TRAPPC10: variants seen among roughly 807,000 people sequenced by gnomAD.
The protein encoded by TRAPPC10 is trafficking protein particle complex subunit 10, also known as TRAPP 130 kDa subunit.
In TRAPPC10, 23 loss-of-function variants were observed where a neutral mutation model predicts 125.5. The ratio of observed to expected loss-of-function variants is 0.18; its 90% confidence interval spans 0.13 to 0.26. The LOEUF (loss-of-function observed/expected upper bound fraction) is 0.26. Among genes scored for constraint, TRAPPC10 ranks in the 10% least tolerant of loss-of-function variants. The probability of loss-of-function intolerance (pLI) is 1.00; values close to 1 mark genes in which losing one functional copy is unlikely to be tolerated. For missense variants in TRAPPC10, 1,123 were observed against 1,308.4 expected (o/e 0.86, Z 2.19); for synonymous variants, 509 against 518.0 (o/e 0.98, Z 0.24).
intron 13 of TRAPPC10, among the ~76,000 whole-genome samples, chr21:44,081,005 C>CTTTTTTTTTTT (rs71326026): frequency 1.1e-4 from 11 of 103,868 alleles, no homozygotes; most frequent in Admixed American, 2.0e-4. Flanking sequence ...TATTATTGTT[C>CTTTTTTTTTTT]TTTTTTTTTT....
Position 44,055,911 on chromosome 21 carries a change from G to T in TRAPPC10, c.678+18G>T. On this transcript the variant is annotated intron_variant, in intron 5 of 22. Coordinates refer to ENST00000291574, the MANE Select transcript of TRAPPC10 (RefSeq NM_003274.5). ...TGGTTCAGGTACTTGACTCATTACAGAACTAGACAGTTCCTTCTCTCCTTC... is the reference window on the plus strand; with the variant it reads ...TGGTTCAGGTACTTGACTCATTACATAACTAGACAGTTCCTTCTCTCCTTC... The T allele has an allele frequency of 6.5e-7, 1 of 1,544,062 alleles. No homozygotes were observed. The highest frequency in any genetic ancestry group is 8.8e-7 in the Non-Finnish European group (1 of 1,130,018).
In TRAPPC10 at chr21:44,086,542, C is replaced by A; in HGVS notation, c.2381-260C>A. ...AGTCATGATCATAATCCCTGACTTG[C>A]TGAACCAAGATGGGTATAAGACTCC... On this transcript the variant is annotated intron_variant, in intron 15 of 22. Transcript: ENST00000291574. Among the ~76,000 whole-genome samples the A allele has an allele frequency of 1.3e-5, 2 of 152,200 alleles. 1 individual carries two copies.
intron 3 of TRAPPC10, among the ~76,000 whole-genome samples, chr21:44,044,660 CTTTTTTTTTTTT>C (rs34356064): frequency 2.3e-5 from 2 of 86,334 alleles, no homozygotes; most frequent in Admixed American, 2.6e-4. Flanking sequence ...AAAATCATGT[CTTTTTTTTTTTT>C]TTTTTTTTTT....
chr21:44,055,929 T>TCTCCTTCCCTCC (rs777193833), intron 5 of TRAPPC10, 36 bp downstream of exon 5: 1 of 1,486,182 alleles, frequency 6.7e-7, no homozygotes, highest in South Asian at 1.4e-5. Context: ...CAGTTCCTTC[T>TCTCCTTCCCTCC]CTCCTTCCCT....
At chr21:44,084,469 GT>G (rs569664947) in intron 15 of TRAPPC10, among the ~76,000 whole-genome samples, 132 of 152,276 alleles carry the variant, frequency 8.7e-4, no homozygotes, top group Non-Finnish European at 1.5e-3. Flanking sequence ...GCTTTTTCAT[GT>G]TTAATAAACA....
At chr21:44,042,846 T>G (rs560277523) in intron 3 of TRAPPC10, among the ~76,000 whole-genome samples, 1 of 152,300 alleles carries the variant, frequency 6.6e-6, no homozygotes, top group South Asian at 2.1e-4. Flanking sequence ...TGGAGTGAAA[T>G]ATGTCATTTA....
At position 44,063,685 on chromosome 21, in the gene TRAPPC10, G is replaced by A. The variant is rs781347750; in HGVS notation, c.938G>A (p.Arg313His). 2 of 1,614,166 alleles carry A rather than the reference G, an allele frequency of 1.2e-6. No individual in the cohort carries two copies. Among genetic ancestry groups the A allele is most frequent in the Non-Finnish European group, 1.7e-6 (2 of 1,180,040 alleles). ...GATCTGCGCAGTTACCTGTTCTCTC[G>A]CCAGTGCACCTTGCTGCTCTTCCTG... is the stretch of plus-strand genomic sequence containing the variant. ...LLDLRSYLFS[R>H]QCTLLLFLQR... is the part of the protein sequence containing the mutation. The change falls in exon 7 of 23, where the codon CGC becomes CAC. Residue 313 changes from arginine (R) to histidine (H), a missense_variant. Arg to His is a conservative substitution (Grantham distance 29, BLOSUM62 0). This residue lies in a region of TRAPPC10 where 91 missense variants were observed against 127.1 expected (regional missense o/e 0.72). Transcript: ENST00000291574. The surrounding 1 kb of genome is among the most constrained non-coding windows in gnomAD (Gnocchi z 4.4).
chr21:44,055,579 A>G (rs1419748994), intron 4 of TRAPPC10, 119 bp from the exon 5 acceptor site: 90 of 368,252 alleles, frequency 2.4e-4, no homozygotes, highest in Non-Finnish European at 3.4e-4. Context: ...CTCTGTCTCA[A>G]AAAAAAAAAA....
At chr21:44,018,451 A>T (rs1293357087) in intron 1 of TRAPPC10, among the ~76,000 whole-genome samples, 2 of 152,126 alleles carry the variant, frequency 1.3e-5, no homozygotes, top group Non-Finnish European at 2.9e-5. Flanking sequence ...CCATAATCCC[A>T]GCACTTTGGG....
chr21:44,045,460 T>G lies in TRAPPC10; in HGVS notation c.286-6820T>G, dbSNP rs573809341. Reference sequence around the variant, plus strand: ...TTTTTTAAAGATGTTTCACCTCTTTTGGGTTCCATTGTTTCCCATGAGAAA... The same window carrying G: ...TTTTTTAAAGATGTTTCACCTCTTTGGGGTTCCATTGTTTCCCATGAGAAA... On this transcript the variant is annotated intron_variant, in intron 3 of 22. Coordinates refer to ENST00000291574, the MANE Select transcript of TRAPPC10 (RefSeq NM_003274.5). 4.8e-4 allele frequency among the ~76,000 whole-genome samples: 73 copies of G among 152,342 alleles called. 1 individual carries two copies. The Middle Eastern group carries it at 0.02, about 43-fold the overall frequency.
intron 3 of TRAPPC10, among the ~76,000 whole-genome samples, chr21:44,040,736 C>T (rs2034357507): frequency 2.0e-5 from 3 of 151,726 alleles, no homozygotes. Context: ...CATCCTCCCA[C>T]CTCAGCCTCC....
chr21:44,030,719 C>T (rs147388153), intron 1 of TRAPPC10, among the ~76,000 whole-genome samples: 10,514 of 152,230 alleles, frequency 0.069, 460 homozygotes, highest in Non-Finnish European at 0.098. Flanking sequence ...CTGCCCACCT[C>T]GGCCTCCCAA....
At position 44,052,443 on chromosome 21, in the gene TRAPPC10, TAAG is replaced by T. The variant is rs2145837657; in HGVS notation, c.452_454del (p.Arg151del). On this transcript the variant is annotated inframe_deletion, in exon 4 of 23. Transcript: ENST00000291574. The stretch of plus-strand genomic sequence containing the variant: ...CCCCGAACCTCTATTGTGGACAAAA[TAAG>T]AAATGATTTTTGTAATAAACAGAGT... 1 of 1,603,074 alleles carries T rather than the reference TAAG, an allele frequency of 6.2e-7. No individual in the cohort carries two copies.
chr21:44,084,801 C>T (rs1387850471), intron 15 of TRAPPC10, among the ~76,000 whole-genome samples: 1 of 152,210 alleles, frequency 6.6e-6, no homozygotes, highest in Non-Finnish European at 1.5e-5. Flanking sequence ...AATCAGGGCT[C>T]TCACAACCCC....
intron 3 of TRAPPC10, among the ~76,000 whole-genome samples, chr21:44,051,871 A>AT (rs1390889913): frequency 6.6e-6 from 1 of 152,186 alleles, no homozygotes; most frequent in Non-Finnish European, 1.5e-5. Flanking sequence ...GCCTCCTGAG[A>AT]TGAAGGCACG....
In TRAPPC10 at chr21:44,059,489, C is replaced by G; in HGVS notation, c.790+275C>G. The G allele has an allele frequency of 1.3e-6, 1 of 756,102 alleles. No individual in the cohort carries two copies. Among genetic ancestry groups the G allele is most frequent in the Non-Finnish European group, 2.5e-6 (1 of 404,914 alleles). 46.8% of individuals were successfully genotyped at this position (756,102 alleles called of 1,614,324 possible). A position where few individuals can be genotyped will look rare whatever the true frequency, so the allele number is the denominator to read the frequency against. ...GGTATAAAATGTCCTTTCCACAACT[C>G]AGTGGCCTGCTGGTGATGCTTCGAT... On this transcript the variant is annotated intron_variant, in intron 6 of 22. Coordinates refer to ENST00000291574, the MANE Select transcript of TRAPPC10 (RefSeq NM_003274.5). This position sits in a 1 kb window ranked among gnomAD's most constrained non-coding sequence, Gnocchi z 4.4.
chr21:44,055,458 G>T (rs539858655), intron 4 of TRAPPC10, among the ~76,000 whole-genome samples: 2 of 152,096 alleles, frequency 1.3e-5, no homozygotes, highest in South Asian at 2.1e-4. Context: ...AGGCATGGTG[G>T]TGCGTGCCTG....
chr21:44,059,789 G>T lies in TRAPPC10; in HGVS notation c.790+575G>T, dbSNP rs896196618. 7.9e-6 allele frequency: 3 copies of T among 378,294 alleles called. No individual in the cohort carries two copies. Among genetic ancestry groups the T allele is most frequent in the Admixed American group, 8.4e-5 (2 of 23,804 alleles). 23.4% of individuals were successfully genotyped at this position (378,294 alleles called of 1,614,324 possible). A position where few individuals can be genotyped will look rare whatever the true frequency, so the allele number is the denominator to read the frequency against. Reference sequence around the variant, plus strand: ...TACCACGTTATATAGCTGTTTCTCTGTCGCTCCTTTTTGTTACTCACAGCC... The same window carrying T: ...TACCACGTTATATAGCTGTTTCTCTTTCGCTCCTTTTTGTTACTCACAGCC... On this transcript the variant is annotated intron_variant, in intron 6 of 22. Coordinates refer to ENST00000291574, the MANE Select transcript of TRAPPC10 (RefSeq NM_003274.5). This position sits in a 1 kb window ranked among gnomAD's most constrained non-coding sequence, Gnocchi z 4.4.
At chr21:44,016,977 A>G (rs951256630) in intron 1 of TRAPPC10, among the ~76,000 whole-genome samples, 1 of 152,234 alleles carries the variant, frequency 6.6e-6, no homozygotes, top group African/African-American at 2.4e-5. Flanking sequence ...TTAAATTTGC[A>G]CATTGAAATT....
Sources: allele counts gnomAD v4.1 joint callset (sites outside exome capture counted in the v4.1 genomes callset), GRCh38; gene constraint gnomAD v4.1.1; regional missense constraint gnomAD v4.1.1; non-coding constraint Gnocchi (gnomAD v3.1); transcripts MANE v1.5; gene names NCBI Gene and HGNC (gene_info 2026-07-23, HGNC 2026-07-21).